Variants in NTN4 observed in about 807,000 individuals in gnomAD.
NTN4 encodes netrin-4.
A neutral mutation model predicts 73.6 loss-of-function variants in NTN4; 32 were observed. The ratio of observed to expected loss-of-function variants is 0.44; its 90% CI spans 0.33 to 0.58. The LOEUF (loss-of-function observed/expected upper bound fraction) is 0.58, where lower values mean the gene tolerates loss of function less well. Among genes scored for constraint, NTN4 ranks in the 20% least tolerant of loss-of-function variants. The pLI is 0.04. For synonymous variants in NTN4, 258 were observed against 287.5 expected (o/e 0.90, Z 1.04); for missense variants, 654 against 798.3 (o/e 0.82, Z 2.18).
chr12:95,668,543 CAT>C (rs1440216286), intron 8 of NTN4, among the ~76,000 whole-genome samples: 2 of 152,188 alleles, frequency 1.3e-5, no homozygotes, highest in Non-Finnish European at 2.9e-5. Context: ...AGATAAGATT[CAT>C]GAGGTTTTTA....
At chr12:95,766,723 T>C (rs369311047) in intron 2 of NTN4, among the ~76,000 whole-genome samples, 1 of 152,238 alleles carries the variant, frequency 6.6e-6, no homozygotes, top group Non-Finnish European at 1.5e-5. Context: ...GCGCATAATA[T>C]TCTAGCTGTG....
chr12:95,694,522 A>G (rs562420036), intron 5 of NTN4, among the ~76,000 whole-genome samples: 106 of 152,318 alleles, frequency 7.0e-4, no homozygotes, highest in African/African-American at 2.4e-3. Flanking sequence ...CAGCTTTAAG[A>G]AGAAACGACA....
At chr12:95,775,340 C>G (rs370393327) in intron 2 of NTN4, among the ~76,000 whole-genome samples, 1 of 152,200 alleles carries the variant, frequency 6.6e-6, no homozygotes, top group East Asian at 1.9e-4. Flanking sequence ...GGGTGCAGGA[C>G]AGTGGGTGCA....
chr12:95,747,035 A>G (rs1177162262), intron 2 of NTN4, among the ~76,000 whole-genome samples: 2 of 152,226 alleles, frequency 1.3e-5, no homozygotes, highest in African/African-American at 4.8e-5. Context: ...ACAGTTTATA[A>G]AACTGTACAT....
chr12:95,707,139 T>A (rs1162650253), intron 5 of NTN4, among the ~76,000 whole-genome samples: 3 of 152,344 alleles, frequency 2.0e-5, no homozygotes, highest in African/African-American at 7.2e-5. Context: ...AGTCAGACCA[T>A]GCCACTTCTC....
intron 3 of NTN4, among the ~76,000 whole-genome samples, chr12:95,729,724 A>G (rs1374604770): frequency 6.6e-6 from 1 of 151,756 alleles, no homozygotes; most frequent in South Asian, 2.1e-4. Context: ...GCAAGGGAGA[A>G]TAAGGACTTA....
rs375569749 is a variant in NTN4, at chr12:95,660,497, T to C, written c.1751-1275A>G. 2.0e-5 allele frequency among the ~76,000 whole-genome samples: 3 copies of C among 152,078 alleles called. No individual in the cohort carries two copies. In the East Asian group the frequency reaches 5.8e-4, roughly 29 times the overall value. The stretch of plus-strand genomic sequence containing the variant: ...GATAAAACTTGCCTAGATCTTGTGA[T>C]GACCTTGTATTCAAAATTCGTTTCA... On this transcript the variant is annotated intron_variant, in intron 9 of 9. Coordinates refer to ENST00000343702, the MANE Select transcript of NTN4 (RefSeq NM_021229.4).
chr12:95,779,201 C>T (rs1428024660), intron 2 of NTN4, among the ~76,000 whole-genome samples: 3 of 152,176 alleles, frequency 2.0e-5, no homozygotes, highest in Admixed American at 1.3e-4. Context: ...CAGCCAATAT[C>T]ATACTGAATG....
intron 2 of NTN4, among the ~76,000 whole-genome samples, chr12:95,772,482 A>AAT (rs1281151103): frequency 6.6e-6 from 1 of 152,148 alleles, no homozygotes; most frequent in African/African-American, 2.4e-5. Context: ...CATAGCTTAA[A>AAT]ATCTCACACA....
At chr12:95,669,465 T>C (rs1298329258) in intron 8 of NTN4, among the ~76,000 whole-genome samples, 2 of 152,004 alleles carry the variant, frequency 1.3e-5, no homozygotes, top group Admixed American at 1.3e-4. Context: ...ATCATCTCCC[T>C]CCCCCTACCA....
intron 7 of NTN4, among the ~76,000 whole-genome samples, chr12:95,671,846 T>G (rs1360861276): frequency 2.0e-5 from 3 of 152,140 alleles, no homozygotes; most frequent in African/African-American, 4.8e-5. Flanking sequence ...TAGATATACT[T>G]TTTCCCCTTT....
intron 6 of NTN4, among the ~76,000 whole-genome samples, chr12:95,683,192 C>G (rs1186571059): frequency 6.6e-6 from 1 of 152,042 alleles, no homozygotes; most frequent in African/African-American, 2.4e-5. Context: ...CCTGAGTAGC[C>G]GGGATTACTG....
intron 7 of NTN4, among the ~76,000 whole-genome samples, chr12:95,671,685 T>C (rs941751503): frequency 6.6e-6 from 1 of 152,150 alleles, no homozygotes; most frequent in South Asian, 2.1e-4. Context: ...GCCCAAAAGG[T>C]TGGGGACCAC....
rs932332350 is a variant in NTN4, at chr12:95,683,061, T to G, written c.1395-239A>C. The stretch of plus-strand genomic sequence containing the variant: ...GTAATTAGACAAAAATTATTGGTTT[T>G]GTTTTGTTTTGTTTTAAAACGGAGT... On this transcript the variant is annotated intron_variant, in intron 6 of 9. Coordinates refer to ENST00000343702, the MANE Select transcript of NTN4 (RefSeq NM_021229.4). Among the ~76,000 whole-genome samples the G allele has an allele frequency of 3.1e-4, 47 of 152,020 alleles. 1 individual carries two copies. The highest frequency in any genetic ancestry group is 2.8e-3 in the Admixed American group (43 of 15,280).
chr12:95,749,923 C>T (rs528205752), intron 2 of NTN4, among the ~76,000 whole-genome samples: 20 of 137,744 alleles, frequency 1.5e-4, no homozygotes, highest in African/African-American at 3.0e-4. Flanking sequence ...TGGCAAGTCC[C>T]GCTTTTCTGG....
At chr12:95,737,545 G>T (rs1280763138) in intron 3 of NTN4, among the ~76,000 whole-genome samples, 1 of 152,106 alleles carries the variant, frequency 6.6e-6, no homozygotes, top group Admixed American at 6.5e-5. Context: ...TGTCAAAGCT[G>T]GCTTGTGTGT....
In NTN4 at chr12:95,682,781, C is replaced by T. The variant is rs144718967; in HGVS notation, c.1436G>A (p.Arg479His). ...IDWYHEVPDFRPVHNKSEPAW... is the reference protein window; with the variant it reads ...IDWYHEVPDFHPVHNKSEPAW... Reference sequence around the variant, plus strand: ...TGGTTCGCTCTTATTGTGCACGGGACGGAAGTCAGGAACTTCATGATACCA... The same window carrying T: ...TGGTTCGCTCTTATTGTGCACGGGATGGAAGTCAGGAACTTCATGATACCA... The change falls in exon 7 of 10, where the codon CGT becomes CAT. Residue 479 changes from arginine to histidine, a missense_variant. Arg to His is a conservative substitution (Grantham distance 29, BLOSUM62 0). Transcript: ENST00000343702. 51 of 1,613,616 alleles carry T rather than the reference C, an allele frequency of 3.2e-5. No homozygotes were observed. The highest frequency in any genetic ancestry group is 6.7e-5 in the African/African-American group (5 of 74,880).
intron 3 of NTN4, among the ~76,000 whole-genome samples, chr12:95,721,928 GCGCGCACACACA>G (rs1253932580): frequency 2.0e-5 from 3 of 152,100 alleles, no homozygotes; most frequent in African/African-American, 4.8e-5. Flanking sequence ...ATGCACACGT[GCGCGCACACACA>G]CACTCACACA....
intron 3 of NTN4, among the ~76,000 whole-genome samples, chr12:95,719,540 A>G (rs1310344580): frequency 6.6e-6 from 1 of 152,224 alleles, no homozygotes; most frequent in Non-Finnish European, 1.5e-5. Flanking sequence ...TTAAACTTCT[A>G]AAATAATGAA....
Sources: allele counts gnomAD v4.1 joint callset (sites outside exome capture counted in the v4.1 genomes callset), GRCh38; gene constraint gnomAD v4.1.1; transcripts MANE v1.5; gene names NCBI Gene and HGNC (gene_info 2026-07-23, HGNC 2026-07-21).